The following UBA7 variants were observed in gnomAD, a reference collection of about 807,000 sequenced individuals.
UBA7 encodes ubiquitin like modifier activating enzyme 7.
A neutral mutation model predicts 113.0 loss-of-function variants in UBA7; 88 were observed. The observed-to-expected ratio is 0.78, with a 90% CI of 0.66 to 0.93. The LOEUF (loss-of-function observed/expected upper bound fraction) is 0.93. UBA7 is among the 40% of genes least tolerant of loss of function. The pLI, the probability that UBA7 is intolerant of heterozygous loss-of-function variation, is 0.00. For synonymous variants in UBA7, 459 were observed against 513.0 expected, an observed-to-expected ratio of 0.89 and a Z score of 1.42; for missense variants, 1,092 against 1,266.4, an observed-to-expected ratio of 0.86 and a Z score of 2.09.
intron 2 of UBA7, 36 bp downstream of exon 2, chr3:49,813,443 T>TA (rs1357370474): frequency 1.2e-6 from 2 of 1,609,128 alleles, no homozygotes; most frequent in African/African-American, 2.7e-5. Flanking sequence ...TGCCCCCACC[T>TA]TGGTCTGGCA....
In UBA7 at chr3:49,813,103, A is replaced by G. The variant is rs777961675; in HGVS notation, c.426T>C (p.His142=). Reference sequence around the variant, plus strand: ...TGTCAGCCGCCAGAAAGCAAACTCCATGCTTATGACACAAGGTGCCCACCT... The same window carrying G: ...TGTCAGCCGCCAGAAAGCAAACTCCGTGCTTATGACACAAGGTGCCCACCT... ...QLKVGTLCHK[H]GVCFLAADTR... is the part of the protein sequence containing the mutation. Residue 142 remains histidine, a synonymous_variant, in exon 4 of 24, where the codon CAT becomes CAC. Coordinates refer to ENST00000333486, the MANE Select transcript of UBA7 (RefSeq NM_003335.3). 4 of 1,613,984 alleles carry G rather than the reference A, an allele frequency of 2.5e-6. No individual in the cohort carries two copies. The highest frequency in any genetic ancestry group is 2.2e-5 in the South Asian group (2 of 91,088).
chr3:49,806,053 G>T lies in UBA7; in HGVS notation c.2808+20C>A. Reference sequence around the variant, plus strand: ...CCGGGCTGGGCTGAGCCTGGGGGTTGGGGTAGCAACAGGGCACACCTGAAG... The same window carrying T: ...CCGGGCTGGGCTGAGCCTGGGGGTTTGGGTAGCAACAGGGCACACCTGAAG... On this transcript the variant is annotated intron_variant, in intron 22 of 23. Coordinates refer to ENST00000333486, the MANE Select transcript of UBA7 (RefSeq NM_003335.3). 1 of 1,580,742 alleles carries T rather than the reference G, an allele frequency of 6.3e-7. No homozygotes were observed. The highest frequency in any genetic ancestry group is 2.3e-5 in the East Asian group (1 of 43,336).
At chr3:49,811,769 G>T (rs933394293) in intron 8 of UBA7, 101 bp downstream of exon 8, 2 of 1,554,710 alleles carry the variant, frequency 1.3e-6, no homozygotes, top group East Asian at 4.5e-5. Context: ...CTGCAGTGTT[G>T]GGAGATCAGA....
In UBA7 at chr3:49,813,715, C is replaced by G. The variant is rs776070523; in HGVS notation, c.56+17G>C. 3.7e-6 allele frequency: 6 copies of G among 1,614,256 alleles called. No homozygotes were observed. Among genetic ancestry groups the G allele is most frequent in the Admixed American group, 1.7e-5 (1 of 60,034 alleles). ...CTGAAGACCATCCCACTCTCCACCCCCCACCTCGGGCCTCACAGCTGTCTT... is the reference window on the plus strand; with the variant it reads ...CTGAAGACCATCCCACTCTCCACCCGCCACCTCGGGCCTCACAGCTGTCTT... On this transcript the variant is annotated intron_variant, in intron 1 of 23. Transcript: ENST00000333486.
intron 9 of UBA7, 54 bp from the exon 10 acceptor site, chr3:49,811,145 A>AC: frequency 6.2e-7 from 1 of 1,607,558 alleles, no homozygotes; most frequent in Non-Finnish European, 8.5e-7. Context: ...CCCCCCTCAG[A>AC]TCCTGGCTGG....
rs1424493811 is a variant in UBA7 at position 49,813,271 on chromosome 3, T to C, written c.338A>G (p.Glu113Gly). 2 of 1,614,060 alleles carry C rather than the reference T, an allele frequency of 1.2e-6. No individual in the cohort carries two copies. Among genetic ancestry groups the C allele is most frequent in the Non-Finnish European group, 1.7e-6 (2 of 1,180,040 alleles). The change falls in exon 3 of 24, where the codon GAG becomes GGG. Residue 113 changes from glutamate (E) to glycine (G), a missense_variant. Coordinates refer to ENST00000333486, the MANE Select transcript of UBA7 (RefSeq NM_003335.3). ...GACCTGGAAGTCCAACAGCAGGTCC[T>C]CAGTGATGTCACCCGTGTGCACGAC... ...QVVVHTGDIT[E>G]DLLLDFQVVV...
At chr3:49,808,135 G>T in intron 19 of UBA7, 23 bp from the exon 20 acceptor site, 1 of 1,612,662 alleles carries the variant, frequency 6.2e-7, no homozygotes, top group Non-Finnish European at 8.5e-7. Context: ...AGTCAAAGTA[G>T]TGTTAACACT....
At chr3:49,806,488 T>C (rs1248735998) in intron 21 of UBA7, among the ~76,000 whole-genome samples, 4 of 152,116 alleles carry the variant, frequency 2.6e-5, no homozygotes, top group Non-Finnish European at 5.9e-5. Context: ...CTGATAAAGC[T>C]GCTTGTTCCT....
In UBA7 at chr3:49,810,389, G is replaced by T; in HGVS notation, c.1507C>A (p.Leu503Met). ...AEVAAAAARG[L>M]NPDLQVIPLT... Reference sequence around the variant, plus strand: ...GGGATCACCTGTAAGTCTGGGTTCAGGCCCCGGGCAGCTGCTGCAGCCACC... The same window carrying T: ...GGGATCACCTGTAAGTCTGGGTTCATGCCCCGGGCAGCTGCTGCAGCCACC... Residue 503 changes from leucine (L) to methionine (M), a missense_variant, in exon 13 of 24, where the codon CTG becomes ATG. Transcript: ENST00000333486. The surrounding 1 kb of genome is among the most constrained non-coding windows in gnomAD (Gnocchi z 5.6). 1 of 1,614,172 alleles carries T rather than the reference G, an allele frequency of 6.2e-7. No homozygotes were observed. The highest frequency in any genetic ancestry group is 8.5e-7 in the Non-Finnish European group (1 of 1,180,026).
Position 49,805,384 on chromosome 3 carries a change from C to G in UBA7, c.2963G>C (p.Arg988Pro). 1.2e-6 allele frequency: 2 copies of G among 1,613,854 alleles called. No individual in the cohort carries two copies. The highest frequency in any genetic ancestry group is 1.7e-6 in the Non-Finnish European group (2 of 1,179,964). Residue 988 changes from arginine (R) to proline (P), a missense_variant, in exon 24 of 24, where the codon CGG (arginine) becomes CCG (proline). Arg to Pro is a moderately radical substitution (Grantham distance 103). Transcript: ENST00000333486. ...ACAGCTCAGCTCTAGCACCAACACC[C>G]GCTGCCCAGGAGCAGGTGCCTGGCC... ...LTGQAPAPGQ[R>P]VLVLELSCEG...
At chr3:49,809,300 T>A in intron 17 of UBA7, 90 bp downstream of exon 17, 2 of 1,547,914 alleles carry the variant, frequency 1.3e-6, no homozygotes. Flanking sequence ...TCTCTGGGCA[T>A]CTGTGCATCT....
rs761365144 is a variant in UBA7, at chr3:49,812,192, C to T, written c.709G>A (p.Glu237Lys). Residue 237 changes from glutamate (E) to lysine (K), a missense_variant, in exon 7 of 24, where the codon GAG (glutamate) becomes AAG (lysine). Coordinates refer to ENST00000333486, the MANE Select transcript of UBA7 (RefSeq NM_003335.3). ...SIHVREDGSLEIGDTTTFSRY... is the reference protein window; with the variant it reads ...SIHVREDGSLKIGDTTTFSRY... ...GAGAAAGTTGTTGTGTCTCCAATCT[C>T]CAGGGACCCATCCTCTGAGGGAGTT... The T allele has an allele frequency of 1.9e-6, 3 of 1,614,226 alleles. No homozygotes were observed. Among genetic ancestry groups the T allele is most frequent in the South Asian group, 1.1e-5 (1 of 91,080 alleles).
chr3:49,808,188 A>G, intron 19 of UBA7, 76 bp from the exon 20 acceptor site: 1 of 1,572,462 alleles, frequency 6.4e-7, no homozygotes, highest in South Asian at 1.1e-5. Flanking sequence ...GTCACTGCAC[A>G]AGTCTCCACA....
chr3:49,813,045 C>A lies in UBA7; in HGVS notation c.467+17G>T. 1 of 1,608,640 alleles carries A rather than the reference C, an allele frequency of 6.2e-7. No homozygotes were observed. Among genetic ancestry groups the A allele is most frequent in the Non-Finnish European group, 8.5e-7 (1 of 1,177,770 alleles). On this transcript the variant is annotated intron_variant, in intron 4 of 23. Transcript: ENST00000333486. ...GCTGGCTGTAATATGGTAGGCTGGG[C>A]AGGCAGTCTTACTCACCCCACGAGG...
chr3:49,811,259 A>G lies in UBA7; in HGVS notation c.1122+14T>C. Reference sequence around the variant, plus strand: ...CATCTTCCCAGTACCCCCCACACCTATGCCTCTGCCCACCTTCAGCACTTC... The same window carrying G: ...CATCTTCCCAGTACCCCCCACACCTGTGCCTCTGCCCACCTTCAGCACTTC... On this transcript the variant is annotated intron_variant, in intron 9 of 23. Transcript: ENST00000333486. The G allele has an allele frequency of 6.2e-7, 1 of 1,613,628 alleles. No homozygotes were observed. Among genetic ancestry groups the G allele is most frequent in the Non-Finnish European group, 8.5e-7 (1 of 1,179,874 alleles).
Position 49,813,503 on chromosome 3 carries a change from G to T in UBA7, c.201C>A (p.Thr67=). ...GSLTLHDPHP[T]CWSDLAAQFL... is the part of the protein sequence containing the mutation. ...CCTGGGCAGCCAGGTCGGACCAGCAGGTGGGGTGGGGATCATGCAGAGTGA... is the reference window on the plus strand; with the variant it reads ...CCTGGGCAGCCAGGTCGGACCAGCATGTGGGGTGGGGATCATGCAGAGTGA... Residue 67 remains threonine, a synonymous_variant, in exon 2 of 24, where the codon ACC becomes ACA. Transcript: ENST00000333486. 1.2e-6 allele frequency: 2 copies of T among 1,613,952 alleles called. No homozygotes were observed. The highest frequency in any genetic ancestry group is 1.7e-6 in the Non-Finnish European group (2 of 1,180,010).
At position 49,809,148 on chromosome 3, in the gene UBA7, G is replaced by A. The variant is rs375883344; in HGVS notation, c.2175C>T (p.Leu725=). 21 of 1,611,558 alleles carry A rather than the reference G, an allele frequency of 1.3e-5. No homozygotes were observed. Among genetic ancestry groups the A allele is most frequent in the Non-Finnish European group, 1.7e-5 (20 of 1,179,032 alleles). ...GGTTGGCAGCTGCCAGTACGTAGAGGAGGTGTGTGTCCTGCAGCCAGACCA... is the reference window on the plus strand; with the variant it reads ...GGTTGGCAGCTGCCAGTACGTAGAGAAGGTGTGTGTCCTGCAGCCAGACCA... ...LEFDTNQDTH[L]LYVLAAANLY... The change falls in exon 18 of 24, where the codon CTC becomes CTT. Residue 725 remains leucine, a synonymous_variant. Transcript: ENST00000333486.
chr3:49,812,109 A>G lies in UBA7; in HGVS notation c.792T>C (p.His264=). 1.9e-6 allele frequency: 3 copies of G among 1,614,200 alleles called. No individual in the cohort carries two copies. Among genetic ancestry groups the G allele is most frequent in the South Asian group, 2.2e-5 (2 of 91,092 alleles). ...CTACCTCAGATGCACTTGCACTCAC[A>G]TGTCTCACAGTCTTGGGTCTCTTGA... ...TEVKRPKTVR[H]KSLDTALLQP... The change falls in exon 7 of 24, where the codon CAT becomes CAC. Residue 264 remains histidine (H), a splice_region_variant and synonymous_variant. Coordinates refer to ENST00000333486, the MANE Select transcript of UBA7 (RefSeq NM_003335.3).
rs200445172 is a variant in UBA7 at position 49,808,079 on chromosome 3, C to T, written c.2464G>A (p.Val822Ile). 5 of 1,614,170 alleles carry T rather than the reference C, an allele frequency of 3.1e-6. No homozygotes were observed. In the Admixed American group the frequency reaches 6.7e-5, roughly 22 times the overall value. Residue 822 changes from valine to isoleucine, a missense_variant, in exon 20 of 24, where the codon GTA (valine) becomes ATA (isoleucine). Physicochemically the swap from Val to Ile is conservative, Grantham distance 29 (BLOSUM62 3). Coordinates refer to ENST00000333486, the MANE Select transcript of UBA7 (RefSeq NM_003335.3). ...TGACATCTCAGGCTAGCTGCCGCTA[C>T]CACAAAGTCCACATGGAAGTTGCTG... ...DDSNFHVDFVVAAASLRCQNY... is the reference protein window; with the variant it reads ...DDSNFHVDFVIAAASLRCQNY...
Sources: allele counts gnomAD v4.1 joint callset (sites outside exome capture counted in the v4.1 genomes callset), GRCh38; gene constraint gnomAD v4.1.1; non-coding constraint Gnocchi (gnomAD v3.1); transcripts MANE v1.5; gene names NCBI Gene and HGNC (gene_info 2026-07-23, HGNC 2026-07-21).